The following TGFBR3 variants were observed in gnomAD, a reference collection of about 807,000 sequenced individuals.
TGFBR3 encodes transforming growth factor beta receptor 3.
In TGFBR3, 46 loss-of-function variants were observed where a neutral mutation model predicts 87.9. The ratio of observed to expected loss-of-function variants is 0.52; its 90% CI spans 0.41 to 0.67. The LOEUF is 0.67. TGFBR3 is among the 30% of genes least tolerant of loss of function. The pLI is 0.00. For synonymous variants in TGFBR3, 381 were observed against 391.6 expected, an observed-to-expected ratio of 0.97 and a Z score of 0.32; for missense variants, 866 against 1,041.9, an observed-to-expected ratio of 0.83 and a Z score of 2.32.
At chr1:91,876,604 A>G (rs1189815629) in intron 1 of TGFBR3, among the ~76,000 whole-genome samples, 1 of 152,200 alleles carries the variant, frequency 6.6e-6, no homozygotes, top group East Asian at 1.9e-4. Flanking sequence ...ACTACCAGGT[A>G]TGATGCTGTG....
chr1:91,780,983 G>A (rs563647745), intron 3 of TGFBR3, among the ~76,000 whole-genome samples: 1 of 151,032 alleles, frequency 6.6e-6, no homozygotes, highest in East Asian at 2.0e-4. Context: ...GCTCTGGATG[G>A]CTATGTGAAC....
chr1:91,697,981 G>A (rs1350813276), intron 15 of TGFBR3, 108 bp downstream of exon 15: 2 of 1,013,584 alleles, frequency 2.0e-6, no homozygotes, highest in Non-Finnish European at 3.2e-6. Context: ...GGGAATGAGA[G>A]CAGAAGTCTC....
At position 91,885,963 on chromosome 1, in the gene TGFBR3, C is replaced by T. The variant is rs564904993; in HGVS notation, c.-199G>A. On this transcript the variant is annotated 5_prime_UTR_variant, in exon 1 of 17. Coordinates refer to ENST00000212355, the MANE Select transcript of TGFBR3 (RefSeq NM_003243.5). ...AGTTTCCCCGCCCAGCGCTCGGCGG[C>T]GGCGAGCTCCGGCAGCTGCTGCGCC... is the stretch of plus-strand genomic sequence containing the variant. 69 of 451,456 alleles carry T rather than the reference C, an allele frequency of 1.5e-4. No individual in the cohort carries two copies. Among genetic ancestry groups the T allele is most frequent in the African/African-American group, 1.1e-3 (57 of 49,934 alleles). 28.0% of individuals were successfully genotyped at this position (451,456 alleles called of 1,614,324 possible). A position where few individuals can be genotyped will look rare whatever the true frequency, so the allele number is the denominator to read the frequency against.
chr1:91,874,119 AACAAG>A (rs1678693080), intron 1 of TGFBR3, among the ~76,000 whole-genome samples: 1 of 152,182 alleles, frequency 6.6e-6, no homozygotes. Context: ...ACAGACTATA[AACAAG>A]ATACATAATT....
chr1:91,775,787 C>T (rs1461492154), intron 3 of TGFBR3, among the ~76,000 whole-genome samples: 1 of 152,184 alleles, frequency 6.6e-6, no homozygotes, highest in African/African-American at 2.4e-5. Context: ...CCTGATTCTG[C>T]CAGCAGGAGC....
At chr1:91,898,496 G>T (rs914964486) in intron 2 of TGFBR3, among the ~76,000 whole-genome samples, 3 of 152,094 alleles carry the variant, frequency 2.0e-5, no homozygotes, top group Non-Finnish European at 4.4e-5. Flanking sequence ...GAGTGCAGTG[G>T]CGCGATCTCG....
intron 8 of TGFBR3, 117 bp from the exon 9 acceptor site, chr1:91,720,347 A>G: frequency 1.0e-6 from 1 of 979,464 alleles, no homozygotes; most frequent in Non-Finnish European, 1.6e-6. Context: ...ATGACTTTTA[A>G]TAAGCAGTGC....
Position 91,868,286 on chromosome 1 carries a change from A to G in TGFBR3, c.-113-6642T>C, listed in dbSNP as rs1254645588. 4.6e-5 allele frequency among the ~76,000 whole-genome samples: 7 copies of G among 152,334 alleles called. No homozygotes were observed. In the South Asian group the frequency reaches 1.4e-3, roughly 32 times the overall value. On this transcript the variant is annotated intron_variant, in intron 1 of 16. Transcript: ENST00000212355. ...ATGGTTAAAATATACCTAGACTTCC[A>G]AAAAGAAAATAAGCAAACTACTAGT...
chr1:91,836,895 C>T (rs1476847435), intron 2 of TGFBR3, among the ~76,000 whole-genome samples: 1 of 152,144 alleles, frequency 6.6e-6, no homozygotes, highest in Non-Finnish European at 1.5e-5. Context: ...ACAGAGCTGG[C>T]CCTCCACTGT....
chr1:91,823,681 T>C (rs1026666442), intron 2 of TGFBR3, among the ~76,000 whole-genome samples: 2 of 152,148 alleles, frequency 1.3e-5, no homozygotes, highest in Non-Finnish European at 2.9e-5. Context: ...GAAAGCAGAT[T>C]AGTAATTGCC....
chr1:91,773,241 GATT>G (rs924167093), intron 3 of TGFBR3, among the ~76,000 whole-genome samples: 1 of 104,638 alleles, frequency 9.6e-6, no homozygotes, highest in South Asian at 3.1e-4. Flanking sequence ...ATAAATAAAT[GATT>G]TTTTTTTTTT....
At chr1:91,700,176 T>C (rs1671574165) in intron 14 of TGFBR3, among the ~76,000 whole-genome samples, 1 of 152,182 alleles carries the variant, frequency 6.6e-6, no homozygotes. Context: ...TCTGGTCCCT[T>C]ACAGAAAAAG....
chr1:91,872,037 T>C (rs1163348201), intron 1 of TGFBR3, among the ~76,000 whole-genome samples: 1 of 152,204 alleles, frequency 6.6e-6, no homozygotes, highest in Non-Finnish European at 1.5e-5. Context: ...TTCTAGACAA[T>C]TTATTTTCAA....
At chr1:91,800,255 TACACAC>T (rs67343577) in intron 2 of TGFBR3, among the ~76,000 whole-genome samples, 96 of 89,326 alleles carry the variant, frequency 1.1e-3, no homozygotes, top group African/African-American at 1.5e-3. Context: ...TATATATATA[TACACAC>T]ACACACACAC....
chr1:91,901,896 A>T (rs998999832), intron 1 of TGFBR3, among the ~76,000 whole-genome samples: 8 of 151,546 alleles, frequency 5.3e-5, no homozygotes, highest in Admixed American at 2.0e-4. Flanking sequence ...AGCCTGGGCA[A>T]CAGAGCAACA....
At chr1:91,892,531 A>G (rs1679471626) in intron 2 of TGFBR3, among the ~76,000 whole-genome samples, 1 of 152,240 alleles carries the variant, frequency 6.6e-6, no homozygotes, top group Non-Finnish European at 1.5e-5. Context: ...GCCCAAAATG[A>G]AAGTGTGCCA....
intron 3 of TGFBR3, among the ~76,000 whole-genome samples, chr1:91,796,203 T>C (rs1675374928): frequency 6.6e-6 from 1 of 152,180 alleles, no homozygotes; most frequent in African/African-American, 2.4e-5. Flanking sequence ...TGTTATCTTG[T>C]TGGGAAATCT....
chr1:91,705,225 CT>C (rs35620891), intron 14 of TGFBR3, among the ~76,000 whole-genome samples: 26,514 of 135,542 alleles, frequency 0.2, 2,118 homozygotes, highest in South Asian at 0.28. Flanking sequence ...AGTCTCTTTT[CT>C]TTTTTTTTTT....
intron 3 of TGFBR3, among the ~76,000 whole-genome samples, chr1:91,789,921 G>A (rs1485924089): frequency 6.6e-6 from 1 of 152,168 alleles, no homozygotes; most frequent in African/African-American, 2.4e-5. Context: ...TTCAAGTAAA[G>A]GAGTAACTCT....
Sources: allele counts gnomAD v4.1 joint callset (sites outside exome capture counted in the v4.1 genomes callset), GRCh38; gene constraint gnomAD v4.1.1; transcripts MANE v1.5; gene names NCBI Gene and HGNC (gene_info 2026-07-23, HGNC 2026-07-21).